Variants in NRXN3 observed in about 807,000 individuals in gnomAD.
NRXN3 encodes the protein neurexin 3.
In NRXN3, 32 loss-of-function variants were observed where a neutral mutation model predicts 137.6. The observed-to-expected ratio is 0.23, with a 90% CI of 0.18 to 0.31. The LOEUF is 0.31. Ranked by LOEUF, NRXN3 falls within the 10% of genes least tolerant of loss-of-function variation. The pLI is 1.00. For missense variants in NRXN3, 1,574 were observed against 2,062.5 expected, an observed-to-expected ratio of 0.76 and a Z score of 4.59; for synonymous variants, 798 against 784.5, an observed-to-expected ratio of 1.02 and a Z score of -0.29.
At chr14:78,494,092 T>A (rs1279602368) in intron 4 of NRXN3, among the ~76,000 whole-genome samples, 1 of 152,178 alleles carries the variant, frequency 6.6e-6, no homozygotes, top group Non-Finnish European at 1.5e-5. Context: ...AAGAACCACT[T>A]AGCACAATTG....
intron 15 of NRXN3, among the ~76,000 whole-genome samples, chr14:79,190,627 T>A (rs532888819): frequency 1.3e-5 from 2 of 152,246 alleles, no homozygotes; most frequent in Admixed American, 6.5e-5. Flanking sequence ...TCCGAGGTTA[T>A]ATATCAAAAG....
chr14:78,859,038 G>A (rs1455143038), intron 10 of NRXN3, among the ~76,000 whole-genome samples: 1 of 152,062 alleles, frequency 6.6e-6, no homozygotes, highest in Non-Finnish European at 1.5e-5. Context: ...GGCAGGACCA[G>A]GTGGAGGTAA....
At chr14:78,430,671 A>G (rs2093843775) in intron 4 of NRXN3, among the ~76,000 whole-genome samples, 1 of 152,206 alleles carries the variant, frequency 6.6e-6, no homozygotes, top group Non-Finnish European at 1.5e-5. Flanking sequence ...CATCCAGCTG[A>G]AAGGCTTTCA....
At chr14:79,546,728 T>G (rs938425796) in intron 16 of NRXN3, among the ~76,000 whole-genome samples, 1 of 152,198 alleles carries the variant, frequency 6.6e-6, no homozygotes, top group Non-Finnish European at 1.5e-5. Flanking sequence ...CTAGATTTAC[T>G]TCCTGATATA....
At chr14:79,177,627 G>T (rs2062478430) in intron 15 of NRXN3, among the ~76,000 whole-genome samples, 1 of 152,178 alleles carries the variant, frequency 6.6e-6, no homozygotes, top group South Asian at 2.1e-4. Context: ...TGGACAAATT[G>T]TCTCAATGGG....
At chr14:79,376,400 C>A (rs1456176388) in intron 15 of NRXN3, among the ~76,000 whole-genome samples, 1 of 151,788 alleles carries the variant, frequency 6.6e-6, no homozygotes, top group African/African-American at 2.4e-5. Context: ...GATTCATTCA[C>A]ACGGAAACGT....
At chr14:79,263,870 G>A (rs1234681731) in intron 15 of NRXN3, among the ~76,000 whole-genome samples, 1 of 152,074 alleles carries the variant, frequency 6.6e-6, no homozygotes, top group Admixed American at 6.5e-5. Context: ...CCACCTTGGA[G>A]GTGGGCAAAG....
intron 15 of NRXN3, among the ~76,000 whole-genome samples, chr14:79,058,706 T>C (rs1465884943): frequency 6.6e-6 from 1 of 152,128 alleles, no homozygotes; most frequent in Admixed American, 6.5e-5. Flanking sequence ...AATTCCTACA[T>C]GTCAAGGGAG....
intron 14 of NRXN3, among the ~76,000 whole-genome samples, chr14:78,972,508 C>T (rs1251501891): frequency 1.3e-5 from 2 of 152,148 alleles, no homozygotes; most frequent in African/African-American, 2.4e-5. Flanking sequence ...TTTCTATGGG[C>T]TCCATCTGAT....
chr14:79,641,652 A>G (rs944206100), intron 16 of NRXN3, among the ~76,000 whole-genome samples: 1 of 135,074 alleles, frequency 7.4e-6, no homozygotes, highest in Non-Finnish European at 1.7e-5. Flanking sequence ...TCTGGGGCTC[A>G]AACTGAAGGG....
intron 4 of NRXN3, among the ~76,000 whole-genome samples, chr14:78,367,404 A>G (rs1382188372): frequency 2.0e-5 from 3 of 152,128 alleles, no homozygotes; most frequent in African/African-American, 7.2e-5. Flanking sequence ...CAATTAATCA[A>G]TCTTCATCTT....
chr14:79,722,879 G>A (rs868560462), intron 19 of NRXN3, among the ~76,000 whole-genome samples: 11 of 152,222 alleles, frequency 7.2e-5, no homozygotes, highest in Middle Eastern at 6.8e-3. Context: ...AAGATATATG[G>A]AGTGTAACAA....
intron 20 of NRXN3, among the ~76,000 whole-genome samples, chr14:79,806,742 C>G (rs963106907): frequency 2.0e-5 from 3 of 149,174 alleles, no homozygotes; most frequent in Non-Finnish European, 4.4e-5. Flanking sequence ...AAGAAATTAG[C>G]TGTCAGAGAA....
At chr14:78,183,127 C>T (rs931971707) in intron 1 of NRXN3, among the ~76,000 whole-genome samples, 12 of 152,154 alleles carry the variant, frequency 7.9e-5, no homozygotes, top group Non-Finnish European at 1.3e-4. Context: ...GTCTTTAGGG[C>T]ATGCCGGCCC....
chr14:78,500,879 C>T (rs1599542121), intron 4 of NRXN3, among the ~76,000 whole-genome samples: 1 of 152,112 alleles, frequency 6.6e-6, no homozygotes, highest in Non-Finnish European at 1.5e-5. Flanking sequence ...AGATACAGTC[C>T]CAGCCTTCAA....
intron 2 of NRXN3, among the ~76,000 whole-genome samples, chr14:78,257,143 G>A (rs910617720): frequency 6.6e-6 from 1 of 152,162 alleles, no homozygotes; most frequent in Non-Finnish European, 1.5e-5. Context: ...TATCATTTTT[G>A]GTATGAAAAC....
chr14:78,791,327 G>A (rs1475047596), intron 8 of NRXN3, among the ~76,000 whole-genome samples: 1 of 152,084 alleles, frequency 6.6e-6, no homozygotes, highest in African/African-American at 2.4e-5. Flanking sequence ...AAACAAAAAT[G>A]AACATGCAAA....
intron 4 of NRXN3, among the ~76,000 whole-genome samples, chr14:78,327,752 A>C (rs2080279130): frequency 6.6e-6 from 1 of 152,204 alleles, no homozygotes; most frequent in Non-Finnish European, 1.5e-5. Flanking sequence ...CATCAAAAGA[A>C]GAAGTATATA....
At chr14:79,373,277 G>C (rs1236402820) in intron 15 of NRXN3, among the ~76,000 whole-genome samples, 1 of 151,994 alleles carries the variant, frequency 6.6e-6, no homozygotes, top group African/African-American at 2.4e-5. Context: ...TACACAAAAT[G>C]CTCATGGAAA....
Sources: allele counts gnomAD v4.1 joint callset (sites outside exome capture counted in the v4.1 genomes callset), GRCh38; gene constraint gnomAD v4.1.1; transcripts MANE v1.5; gene names NCBI Gene and HGNC (gene_info 2026-07-23, HGNC 2026-07-21).